The following AATK variants were observed in gnomAD, a reference collection of about 807,000 sequenced individuals.
AATK encodes serine/threonine-protein kinase LMTK1.
AATK carries 91 observed loss-of-function variants against 114.3 expected under a neutral mutation model. That is an observed-to-expected ratio of 0.80 (90% confidence interval 0.67 to 0.95). The LOEUF is 0.95. Ranked by LOEUF, AATK falls within the 40% of genes least tolerant of loss-of-function variation. The probability of loss-of-function intolerance (pLI) is 0.00; values close to 1 mark genes in which losing one functional copy is unlikely to be tolerated. For synonymous variants in AATK, 1,075 were observed against 916.5 expected, an observed-to-expected ratio of 1.17 and a Z score of -3.12; for missense variants, 2,176 against 1,965.2, an observed-to-expected ratio of 1.11 and a Z score of -2.03.
intron 1 of AATK, among the ~76,000 whole-genome samples, chr17:81,153,630 C>T (rs972397775): frequency 2.6e-5 from 4 of 152,268 alleles, no homozygotes; most frequent in African/African-American, 4.8e-5. Flanking sequence ...GTTGTTGCTC[C>T]GTCACCAGCA....
At chr17:81,144,454 G>A (rs1004889806) in intron 1 of AATK, among the ~76,000 whole-genome samples, 1 of 152,222 alleles carries the variant, frequency 6.6e-6, no homozygotes, top group Admixed American at 6.5e-5. Context: ...GTGGGTGGCC[G>A]AGAGGACACA....
At chr17:81,133,131 C>T (rs1296155277) in intron 2 of AATK, 11 of 440,148 alleles carry the variant, frequency 2.5e-5, no homozygotes, top group Non-Finnish European at 4.1e-5. Flanking sequence ...GGCAGGAGTG[C>T]AGACCCCACA....
In AATK at chr17:81,145,030, C is replaced by T. The variant is rs563794247; in HGVS notation, c.56-10529G>A. Among the ~76,000 whole-genome samples, 19 of 151,772 alleles carry T rather than the reference C, an allele frequency of 1.3e-4. No individual in the cohort carries two copies. In the South Asian group the frequency reaches 3.5e-3, roughly 28 times the overall value. On this transcript the variant is annotated intron_variant, in intron 1 of 13. Coordinates refer to ENST00000326724, the MANE Select transcript of AATK (RefSeq NM_001080395.3). ...AGTGGATCACTTGAGGTCAGGAGTT[C>T]GAGACCATCCTGGCCAACATGGTGA...
rs1449700910 is a variant in AATK at position 81,121,415 on chromosome 17, C to G, written c.2521G>C (p.Ala841Pro). 1 of 1,607,162 alleles carries G rather than the reference C, an allele frequency of 6.2e-7. No individual in the cohort carries two copies. Among genetic ancestry groups the G allele is most frequent in the South Asian group, 1.1e-5 (1 of 89,980 alleles). ...CTGCTGCTGCCATTCAGGGCAGAAG[C>G]CAGCTTGATGGCAGACACCTCGCCA... ...TGGEVSAIKL[A>P]SALNGSSSSP... Residue 841 changes from alanine to proline, a missense_variant, in exon 11 of 14, where the codon GCT becomes CCT. Coordinates refer to ENST00000326724, the MANE Select transcript of AATK (RefSeq NM_001080395.3).
rs543997096 is a variant in AATK, at chr17:81,122,610, G to A, written c.1326C>T (p.Ala442=). Residue 442 remains alanine, a synonymous_variant, in exon 11 of 14, where the codon GCC becomes GCT. Coordinates refer to ENST00000326724, the MANE Select transcript of AATK (RefSeq NM_001080395.3). The part of the protein sequence containing the change: ...GPMLGGVVEL[A]AASSFPLLEQ... ...CCAGCAGCGGGAAGGACGAGGCAGC[G>A]GCGAGCTCCACCACGCCGCCCAGCA... is the stretch of plus-strand genomic sequence containing the variant. 7 of 1,424,584 alleles carry A rather than the reference G, an allele frequency of 4.9e-6. No individual in the cohort carries two copies. The highest frequency in any genetic ancestry group is 3.3e-5 in the East Asian group (1 of 30,134). 88.2% of individuals were successfully genotyped at this position (1,424,584 alleles called of 1,614,324 possible).
At chr17:81,143,291 AG>A (rs1187902020) in intron 1 of AATK, among the ~76,000 whole-genome samples, 1 of 151,874 alleles carries the variant, frequency 6.6e-6, no homozygotes, top group Non-Finnish European at 1.5e-5. Flanking sequence ...CTGGAGTCCC[AG>A]GACACGTCAC....
intron 1 of AATK, among the ~76,000 whole-genome samples, chr17:81,152,320 T>C (rs1409431016): frequency 1.3e-5 from 2 of 152,098 alleles, no homozygotes; most frequent in Non-Finnish European, 2.9e-5. Flanking sequence ...GAGTGGTGGC[T>C]CACACCTGTA....
rs1355371357 is a variant in AATK at position 81,122,106 on chromosome 17, G to A, written c.1830C>T (p.Pro610=). 1.0e-5 allele frequency: 16 copies of A among 1,566,352 alleles called. No homozygotes were observed. Among genetic ancestry groups the A allele is most frequent in the Non-Finnish European group, 1.1e-5 (13 of 1,161,646 alleles). The change falls in exon 11 of 14, where the codon CCC becomes CCT. Residue 610 remains proline (P), a synonymous_variant. Transcript: ENST00000326724. ...GACTCAGGGGCCCCGCCGAGGGCGA[G>A]GGAGAGCGTGAGGGGCAGAGCGGGT... ...ARDPLCPSRS[P]SPSAGPLSLA...
rs779918138 is a variant in AATK at position 81,119,373 on chromosome 17, G to A, written c.4084+7C>T. On this transcript the variant is annotated splice_region_variant and intron_variant, in intron 13 of 13. Coordinates refer to ENST00000326724, the MANE Select transcript of AATK (RefSeq NM_001080395.3). ...GCCCTTCTGCCACAGCCCCGCCCAG[G>A]CCTCACCTCTCTTGGACTCGGCGTC... 3.6e-6 allele frequency: 4 copies of A among 1,105,602 alleles called. No homozygotes were observed. Among genetic ancestry groups the A allele is most frequent in the Non-Finnish European group, 3.7e-6 (3 of 810,762 alleles). 68.5% of individuals were successfully genotyped at this position (1,105,602 alleles called of 1,614,324 possible).
intron 1 of AATK, among the ~76,000 whole-genome samples, chr17:81,157,596 G>T (rs1428406858): frequency 6.6e-6 from 1 of 152,156 alleles, no homozygotes; most frequent in Non-Finnish European, 1.5e-5. Context: ...GCCAGCCCAG[G>T]GACGGAAGTG....
At chr17:81,128,891 G>T in intron 3 of AATK, 7 of 1,158,610 alleles carry the variant, frequency 6.0e-6, no homozygotes, top group Non-Finnish European at 6.5e-6. Flanking sequence ...GTGTGGCTGA[G>T]CAAGAGGCTG....
At chr17:81,132,129 GC>G in intron 2 of AATK, 1 of 890,028 alleles carries the variant, frequency 1.1e-6, no homozygotes, top group Non-Finnish European at 1.5e-6. Flanking sequence ...AAAGTCCTGG[GC>G]CCAGCTGAAA....
rs902393676 is a variant in AATK at position 81,128,526 on chromosome 17, C to G, written c.358G>C (p.Val120Leu). Residue 120 changes from valine to leucine, a missense_variant, in exon 4 of 14, where the codon GTG becomes CTG. Val to Leu is a conservative substitution (Grantham distance 32). Coordinates refer to ENST00000326724, the MANE Select transcript of AATK (RefSeq NM_001080395.3). ...RSVQLLKSTD[V>L]GRHSLLYLKE... ...AGGTACAGGAGGCTGTGCCGGCCCA[C>G]GTCTGTGGACTTGAGGAGCTGCACT... is the stretch of plus-strand genomic sequence containing the variant. 6.5e-7 allele frequency: 1 copy of G among 1,549,184 alleles called. No individual in the cohort carries two copies. Among genetic ancestry groups the G allele is most frequent in the African/African-American group, 1.4e-5 (1 of 72,976 alleles).
chr17:81,128,610 C>CG, intron 3 of AATK, 61 bp from the exon 4 acceptor site: 2 of 1,543,712 alleles, frequency 1.3e-6, no homozygotes, highest in Non-Finnish European at 1.7e-6. Flanking sequence ...AGCTTCCTCA[C>CG]CCGGCCCCTG....
rs544026579 is a variant in AATK at position 81,144,961 on chromosome 17, G to A, written c.56-10460C>T. Among the ~76,000 whole-genome samples, 293 of 152,300 alleles carry A rather than the reference G, an allele frequency of 1.9e-3. 3 individuals are homozygous for A. Among genetic ancestry groups the A allele is most frequent in the Non-Finnish European group, 2.5e-3 (172 of 68,022 alleles). Reference sequence around the variant, plus strand: ...AAAAGCCTGACTTCAGGCCGGGCGCGGTGGCTCACGCCTGTAATCCCAACA... The same window carrying A: ...AAAAGCCTGACTTCAGGCCGGGCGCAGTGGCTCACGCCTGTAATCCCAACA... On this transcript the variant is annotated intron_variant, in intron 1 of 13. Coordinates refer to ENST00000326724, the MANE Select transcript of AATK (RefSeq NM_001080395.3).
rs370746056 is a variant in AATK at position 81,122,104 on chromosome 17, G to T, written c.1832C>A (p.Ser611Ter). The T allele has an allele frequency of 1.3e-6, 2 of 1,567,746 alleles. No individual in the cohort carries two copies. Among genetic ancestry groups the T allele is most frequent in the Non-Finnish European group, 1.7e-6 (2 of 1,162,400 alleles). Reference sequence around the variant, plus strand: ...CAGACTCAGGGGCCCCGCCGAGGGCGAGGGAGAGCGTGAGGGGCAGAGCGG... The same window carrying T: ...CAGACTCAGGGGCCCCGCCGAGGGCTAGGGAGAGCGTGAGGGGCAGAGCGG... ...RDPLCPSRSPSPSAGPLSLAE... is the reference protein window; with the variant it reads ...RDPLCPSRSP Residue 611 changes from serine (S) to a stop codon, truncating the protein, a stop_gained, in exon 11 of 14, where the codon TCG becomes TAG. Coordinates refer to ENST00000326724, the MANE Select transcript of AATK (RefSeq NM_001080395.3). LOFTEE classifies it high-confidence loss of function.
At chr17:81,131,504 G>A (rs763393678) in intron 2 of AATK, among the ~76,000 whole-genome samples, 19 of 152,172 alleles carry the variant, frequency 1.2e-4, no homozygotes, top group Non-Finnish European at 1.8e-4. Flanking sequence ...CAGAAAGGGC[G>A]CGATGAGCTG....
intron 1 of AATK, among the ~76,000 whole-genome samples, chr17:81,147,422 A>G (rs1384137476): frequency 1.3e-5 from 2 of 152,114 alleles, no homozygotes; most frequent in East Asian, 1.9e-4. Flanking sequence ...ATGATGAAAT[A>G]AAAACAATGG....
At chr17:81,158,980 G>A (rs1165750234) in intron 1 of AATK, among the ~76,000 whole-genome samples, 1 of 152,194 alleles carries the variant, frequency 6.6e-6, no homozygotes, top group East Asian at 1.9e-4. Context: ...AGAGGACAAG[G>A]CCACAGGACC....
Sources: allele counts gnomAD v4.1 joint callset (sites outside exome capture counted in the v4.1 genomes callset), GRCh38; gene constraint gnomAD v4.1.1; transcripts MANE v1.5; gene names NCBI Gene and HGNC (gene_info 2026-07-23, HGNC 2026-07-21).